The following CDH18 variants were observed in gnomAD, a reference collection of about 807,000 sequenced individuals.
CDH18 encodes the protein cadherin-18.
In CDH18, 31 loss-of-function variants were observed where a neutral mutation model predicts 67.9. The ratio of observed to expected loss-of-function variants is 0.46; its 90% CI spans 0.34 to 0.62. The LOEUF (loss-of-function observed/expected upper bound fraction) is 0.62, where lower values mean the gene tolerates loss of function less well. CDH18 is among the 20% of genes least tolerant of loss of function. The pLI, the probability that CDH18 is intolerant of heterozygous loss-of-function variation, is 0.01. For synonymous variants in CDH18, 362 were observed against 347.2 expected (o/e 1.04, Z -0.48); for missense variants, 890 against 975.5 (o/e 0.91, Z 1.17).
chr5:20,081,977 A>G (rs1381541134), intron 2 of CDH18, among the ~76,000 whole-genome samples: 4 of 152,234 alleles, frequency 2.6e-5, no homozygotes, highest in African/African-American at 9.6e-5. Context: ...ACATTTTAGG[A>G]AACATAATAT....
chr5:19,783,154 T>C (rs760075700), intron 3 of CDH18, among the ~76,000 whole-genome samples: 1 of 152,200 alleles, frequency 6.6e-6, no homozygotes, highest in Non-Finnish European at 1.5e-5. Context: ...TGCTGGTCCA[T>C]GTGTCACAAT....
intron 5 of CDH18, among the ~76,000 whole-genome samples, chr5:19,712,493 A>G (rs553167274): frequency 5.9e-5 from 9 of 152,062 alleles, no homozygotes; most frequent in African/African-American, 1.9e-4. Flanking sequence ...CAAAGATCAG[A>G]GATTAGTTCT....
rs1213985771 is a variant in CDH18 at position 19,471,687 on chromosome 5, A to T, written c.*1539T>A. ...AACATTATCTAAAACAATTTGAAAA[A>T]AAAAGCCCCACCCAAATTCTCAGAA... On this transcript the variant is annotated 3_prime_UTR_variant, in exon 13 of 13. Coordinates refer to ENST00000382275, the MANE Select transcript of CDH18 (RefSeq NM_004934.5). 6.6e-6 allele frequency among the ~76,000 whole-genome samples: 1 copy of T among 152,138 alleles called. No individual in the cohort carries two copies. The highest frequency in any genetic ancestry group is 1.9e-4 in the East Asian group (1 of 5,194).
At chr5:19,492,210 G>T (rs945741019) in intron 11 of CDH18, among the ~76,000 whole-genome samples, 4 of 152,122 alleles carry the variant, frequency 2.6e-5, no homozygotes, top group African/African-American at 9.7e-5. Context: ...GTACCTTACA[G>T]TTAGAATTAA....
chr5:20,169,229 A>C (rs1736515480), intron 2 of CDH18, among the ~76,000 whole-genome samples: 1 of 152,102 alleles, frequency 6.6e-6, no homozygotes, highest in Non-Finnish European at 1.5e-5. Flanking sequence ...TGCCTGTATC[A>C]ATACATCTCA....
At chr5:20,089,013 A>G (rs1465639180) in intron 2 of CDH18, among the ~76,000 whole-genome samples, 3 of 152,084 alleles carry the variant, frequency 2.0e-5, no homozygotes, top group Non-Finnish European at 4.4e-5. Flanking sequence ...AACGGTATGT[A>G]TTGCTGTTTT....
At chr5:19,965,267 A>G (rs1797313409) in intron 2 of CDH18, among the ~76,000 whole-genome samples, 1 of 152,206 alleles carries the variant, frequency 6.6e-6, no homozygotes, top group Non-Finnish European at 1.5e-5. Flanking sequence ...ATCCTCTGGA[A>G]ATGTATAATA....
rs1212437044 is a variant in CDH18, at chr5:20,243,691, T to G, written c.-518+11753A>C. Among the ~76,000 whole-genome samples the G allele has an allele frequency of 2.6e-5, 4 of 152,120 alleles. No individual in the cohort carries two copies. The East Asian group carries it at 7.7e-4, about 29-fold the overall frequency. On this transcript the variant is annotated intron_variant, in intron 2 of 14. Coordinates refer to the CDH18 transcript ENST00000507958. Reference sequence around the variant, plus strand: ...TTTTTATTATGGTCTTTTGAACTTTTATGATTATACAATTTAATGTTTTAA... The same window carrying G: ...TTTTTATTATGGTCTTTTGAACTTTGATGATTATACAATTTAATGTTTTAA...
chr5:19,821,939 C>T (rs559973031), intron 3 of CDH18, among the ~76,000 whole-genome samples: 4 of 152,228 alleles, frequency 2.6e-5, no homozygotes, highest in Admixed American at 6.5e-5. Context: ...ACTAGACCAG[C>T]CTTACAAGAA....
chr5:20,449,239 T>C (rs77517654), intron 1 of CDH18, among the ~76,000 whole-genome samples: 1 of 152,146 alleles, frequency 6.6e-6, no homozygotes, highest in Admixed American at 6.5e-5. Flanking sequence ...ACATATCATA[T>C]TGAAACTATC....
At chr5:19,868,786 T>C (rs1052352063) in intron 2 of CDH18, among the ~76,000 whole-genome samples, 5 of 152,022 alleles carry the variant, frequency 3.3e-5, no homozygotes, top group African/African-American at 1.2e-4. Context: ...TAAAAGACCA[T>C]ACAACTCCCC....
intron 2 of CDH18, among the ~76,000 whole-genome samples, chr5:20,042,789 C>T (rs1261346835): frequency 5.3e-5 from 8 of 151,972 alleles, no homozygotes; most frequent in Non-Finnish European, 1.2e-4. Flanking sequence ...CAGTGTAACA[C>T]CGTCTCTACT....
chr5:20,213,284 C>A (rs1010738410), intron 2 of CDH18, among the ~76,000 whole-genome samples: 3 of 152,122 alleles, frequency 2.0e-5, no homozygotes, highest in Admixed American at 6.6e-5. Flanking sequence ...GATTAGTTTA[C>A]TGTCTTATAC....
At chr5:19,474,041 C>T (rs1217428565) in intron 12 of CDH18, among the ~76,000 whole-genome samples, 1 of 152,004 alleles carries the variant, frequency 6.6e-6, no homozygotes, top group Non-Finnish European at 1.5e-5. Context: ...GTGAGATAAA[C>T]ACATGATGAA....
At chr5:20,044,535 G>A (rs1159069415) in intron 2 of CDH18, among the ~76,000 whole-genome samples, 1 of 152,056 alleles carries the variant, frequency 6.6e-6, no homozygotes, top group Non-Finnish European at 1.5e-5. Flanking sequence ...AAAAATTAAA[G>A]CATTTAAGCA....
Position 20,304,673 on chromosome 5 carries a change from C to A in CDH18, c.-579-49168G>T, listed in dbSNP as rs1736264402. ...CTTGTCGCTCCTAGTGATGATGGGTCCGTTTTCTTTTCAGATGTCAGCTCC... is the reference window on the plus strand; with the variant it reads ...CTTGTCGCTCCTAGTGATGATGGGTACGTTTTCTTTTCAGATGTCAGCTCC... On this transcript the variant is annotated intron_variant, in intron 1 of 14. Transcript: ENST00000507958. The A allele has an allele frequency of 2.5e-6, 4 of 1,611,548 alleles. No individual in the cohort carries two copies. The Admixed American group carries it at 6.7e-5, about 27-fold the overall frequency.
At chr5:19,663,769 A>G (rs1344713593) in intron 5 of CDH18, among the ~76,000 whole-genome samples, 1 of 151,976 alleles carries the variant, frequency 6.6e-6, no homozygotes, top group African/African-American at 2.4e-5. Context: ...TAAATTTATT[A>G]ATATTCACAC....
chr5:20,093,491 A>C (rs939805356), intron 2 of CDH18, among the ~76,000 whole-genome samples: 13 of 152,094 alleles, frequency 8.5e-5, no homozygotes, highest in Non-Finnish European at 1.8e-4. Context: ...GCATTGTGTT[A>C]GAGTATTTGT....
At chr5:20,160,904 T>A (rs1389799844) in intron 2 of CDH18, among the ~76,000 whole-genome samples, 1 of 152,222 alleles carries the variant, frequency 6.6e-6, no homozygotes, top group Non-Finnish European at 1.5e-5. Context: ...TATTTTTAAA[T>A]GGTTATAAAA....
Sources: gnomAD v4.1 joint callset for allele counts (sites outside exome capture counted in the v4.1 genomes callset) on GRCh38, gnomAD v4.1.1 for gene constraint, MANE v1.5 for transcripts, NCBI Gene and HGNC (gene_info 2026-07-23, HGNC 2026-07-21) for gene names.